Variants in NCKAP5 observed in about 807,000 individuals in gnomAD.
NCKAP5 encodes the protein NCK associated protein 5.
NCKAP5 carries 92 observed loss-of-function variants against 167.0 expected under a neutral mutation model. That is an observed-to-expected ratio of 0.55 (90% CI 0.47 to 0.66). The LOEUF (loss-of-function observed/expected upper bound fraction) is 0.66, where lower values mean the gene tolerates loss of function less well. Ranked by LOEUF, NCKAP5 falls within the 30% of genes least tolerant of loss-of-function variation. NCKAP5 has a pLI of 0.00. For missense variants in NCKAP5, 2,378 were observed against 2,315.0 expected, an observed-to-expected ratio of 1.03 and a Z score of -0.56; for synonymous variants, 891 against 877.4, an observed-to-expected ratio of 1.02 and a Z score of -0.27.
intron 9 of NCKAP5, among the ~76,000 whole-genome samples, chr2:132,874,362 C>A (rs1301498137): frequency 2.0e-5 from 3 of 152,122 alleles, no homozygotes; most frequent in Non-Finnish European, 4.4e-5. Context: ...CCCGCCTTGG[C>A]CTCCCAAAGT....
intron 5 of NCKAP5, among the ~76,000 whole-genome samples, chr2:133,139,691 G>C (rs914636081): frequency 2.6e-5 from 4 of 152,150 alleles, no homozygotes; most frequent in African/African-American, 9.7e-5. Context: ...CTCTAGAGGT[G>C]AGATACTACC....
At chr2:132,694,437 T>C (rs960814311) in intron 19 of NCKAP5, among the ~76,000 whole-genome samples, 22 of 151,540 alleles carry the variant, frequency 1.5e-4, no homozygotes, top group African/African-American at 5.1e-4. Context: ...AAGATTGTAA[T>C]TGGCATTTTC....
intron 2 of NCKAP5, among the ~76,000 whole-genome samples, chr2:133,545,298 G>A (rs1178971183): frequency 6.6e-6 from 1 of 152,240 alleles, no homozygotes; most frequent in African/African-American, 2.4e-5. Flanking sequence ...GGCAGGAGAT[G>A]CAGAAACAGC....
At chr2:133,353,700 G>A (rs1220106214) in intron 3 of NCKAP5, among the ~76,000 whole-genome samples, 1 of 152,174 alleles carries the variant, frequency 6.6e-6, no homozygotes, top group African/African-American at 2.4e-5. Flanking sequence ...ACAGTGGAAT[G>A]AGACAGCAAA....
chr2:133,208,154 C>T (rs544052353), intron 5 of NCKAP5, among the ~76,000 whole-genome samples: 7 of 152,248 alleles, frequency 4.6e-5, no homozygotes, highest in Middle Eastern at 3.4e-3. Flanking sequence ...GCCTGGACAA[C>T]ATGGCGAGAC....
intron 8 of NCKAP5, among the ~76,000 whole-genome samples, chr2:132,909,055 AG>A (rs1197644232): frequency 6.6e-6 from 1 of 152,202 alleles, no homozygotes; most frequent in Non-Finnish European, 1.5e-5. Flanking sequence ...CGATTAAAAA[AG>A]AAAATACTGG....
In NCKAP5 at chr2:133,544,539, T is replaced by C. The variant is rs78541077; in HGVS notation, c.-62+14511A>G. On this transcript the variant is annotated intron_variant, in intron 2 of 19. Coordinates refer to ENST00000409261, the MANE Select transcript of NCKAP5 (RefSeq NM_207363.3). ...AAGATACCAATAGCTCTTCTTCAAT[T>C]CTTTAATGATGACTCGGGCTCCATC... Among the ~76,000 whole-genome samples, 693 of 152,352 alleles carry C rather than the reference T, an allele frequency of 4.5e-3. 6 individuals carry two copies. The highest frequency in any genetic ancestry group is 0.02 in the Middle Eastern group (6 of 294).
chr2:133,158,519 G>A (rs71413541), intron 5 of NCKAP5, among the ~76,000 whole-genome samples: 20,561 of 151,950 alleles, frequency 0.14, 1,563 homozygotes, highest in East Asian at 0.38. Flanking sequence ...ATTTTGTGTT[G>A]GACACATAAA....
At chr2:132,950,281 A>G (rs768589076) in intron 8 of NCKAP5, among the ~76,000 whole-genome samples, 1 of 152,192 alleles carries the variant, frequency 6.6e-6, no homozygotes, top group Non-Finnish European at 1.5e-5. Context: ...CCAAGAAAAT[A>G]TTATCAGTGA....
intron 8 of NCKAP5, among the ~76,000 whole-genome samples, chr2:132,892,730 A>C (rs971929940): frequency 3.3e-5 from 5 of 152,208 alleles, no homozygotes; most frequent in African/African-American, 4.8e-5. Context: ...GATCAGCTCC[A>C]TTTTACAGAT....
At chr2:132,739,596 C>CAGAAG (rs1691832526) in intron 16 of NCKAP5, among the ~76,000 whole-genome samples, 1 of 152,118 alleles carries the variant, frequency 6.6e-6, no homozygotes, top group Non-Finnish European at 1.5e-5. Context: ...GTGAGGGCCC[C>CAGAAG]TGTAGGTACA....
chr2:133,008,086 C>T (rs1039155422), intron 6 of NCKAP5, among the ~76,000 whole-genome samples: 1 of 152,126 alleles, frequency 6.6e-6, no homozygotes, highest in African/African-American at 2.4e-5. Flanking sequence ...ACTGGCAGCC[C>T]AGCCTCGCTA....
chr2:132,778,278 G>A (rs920467942), intron 15 of NCKAP5, among the ~76,000 whole-genome samples: 1 of 151,892 alleles, frequency 6.6e-6, no homozygotes, highest in Non-Finnish European at 1.5e-5. Context: ...GGCAGAAATG[G>A]GGATATAAGC....
intron 5 of NCKAP5, among the ~76,000 whole-genome samples, chr2:133,168,280 AT>A (rs35632445): frequency 0.27 from 33,645 of 125,966 alleles, 4,069 homozygotes; most frequent in African/African-American, 0.47. Flanking sequence ...AACTGATAAC[AT>A]TTTTTTTTTT....
intron 5 of NCKAP5, among the ~76,000 whole-genome samples, chr2:133,135,371 C>T (rs2082752270): frequency 1.3e-5 from 2 of 148,990 alleles, no homozygotes; most frequent in Non-Finnish European, 3.0e-5. Context: ...AGCTGGTGAG[C>T]CAGGGGACAG....
intron 19 of NCKAP5, among the ~76,000 whole-genome samples, chr2:132,680,894 A>C (rs1412052313): frequency 6.6e-6 from 1 of 152,212 alleles, no homozygotes; most frequent in Non-Finnish European, 1.5e-5. Context: ...TGCCCATTTG[A>C]AAATTTGGAT....
intron 5 of NCKAP5, among the ~76,000 whole-genome samples, chr2:133,186,268 C>A (rs1016921114): frequency 2.0e-5 from 3 of 151,908 alleles, no homozygotes; most frequent in Non-Finnish European, 4.4e-5. Context: ...TATTGATTTG[C>A]TTATGTTGAA....
chr2:132,785,868 C>T, intron 13 of NCKAP5, 150 bp from the exon 14 acceptor site: 1 of 589,702 alleles, frequency 1.7e-6, no homozygotes, highest in Non-Finnish European at 2.6e-6. Flanking sequence ...TTAATTTATT[C>T]ACAAACTATG....
Position 133,055,487 on chromosome 2 carries a change from T to C in NCKAP5, c.342-61248A>G, listed in dbSNP as rs148965237. Among the ~76,000 whole-genome samples, 43 of 132,796 alleles carry C rather than the reference T, an allele frequency of 3.2e-4. No homozygotes were observed. The Middle Eastern group carries it at 0.023, about 72-fold the overall frequency. 87.1% of individuals were successfully genotyped at this position (132,796 alleles called of 152,430 possible). A position where few individuals can be genotyped will look rare whatever the true frequency, so the allele number is the denominator to read the frequency against. On this transcript the variant is annotated intron_variant, in intron 6 of 19. Coordinates refer to ENST00000409261, the MANE Select transcript of NCKAP5 (RefSeq NM_207363.3). ...TAGATAAACTGTATATATATATATA[T>C]ATAGTTTATATATATATGAATAGTT...
Sources: allele counts gnomAD v4.1 joint callset (sites outside exome capture counted in the v4.1 genomes callset), GRCh38; gene constraint gnomAD v4.1.1; transcripts MANE v1.5; gene names NCBI Gene and HGNC (gene_info 2026-07-23, HGNC 2026-07-21).